The following NAV3 variants were observed in gnomAD, a reference collection of about 807,000 sequenced individuals.
NAV3 encodes the protein pore membrane and/or filament interacting like protein 1.
A neutral mutation model predicts 244.7 loss-of-function variants in NAV3; 87 were observed. That is an observed-to-expected ratio of 0.36 (90% CI 0.30 to 0.42). The LOEUF (loss-of-function observed/expected upper bound fraction) is 0.42, where lower values mean the gene tolerates loss of function less well. Ranked by LOEUF, NAV3 falls within the 20% of genes least tolerant of loss-of-function variation. The pLI, the probability that NAV3 is intolerant of heterozygous loss-of-function variation, is 1.00. For missense variants in NAV3, 2,663 were observed against 2,893.3 expected (o/e 0.92, Z 1.83); for synonymous variants, 1,126 against 1,042.2 (o/e 1.08, Z -1.55).
intron 1 of NAV3, among the ~76,000 whole-genome samples, chr12:77,933,665 T>C (rs1487667791): frequency 1.3e-5 from 2 of 152,202 alleles, no homozygotes; most frequent in African/African-American, 2.4e-5. Flanking sequence ...TGTGACAATA[T>C]GATGTTACCC....
chr12:77,926,529 T>C (rs141298119), intron 1 of NAV3, among the ~76,000 whole-genome samples: 56 of 152,358 alleles, frequency 3.7e-4, no homozygotes, highest in African/African-American at 1.3e-3. Context: ...ATGGCTGTTT[T>C]ATTACTTTTC....
chr12:77,696,221 C>T (rs1875290339), intron 2 of NAV3, among the ~76,000 whole-genome samples: 1 of 152,110 alleles, frequency 6.6e-6, no homozygotes, highest in Admixed American at 6.6e-5. Context: ...TAGTGATTTG[C>T]TTATAACCAA....
At chr12:77,828,312 C>G (rs575524456), upstream of NAV3, among the ~76,000 whole-genome samples, 2 of 152,258 alleles carry the variant, frequency 1.3e-5, no homozygotes, top group Admixed American at 1.3e-4. Flanking sequence ...ATATGGGCCC[C>G]TCACTCTTAT....
chr12:77,636,044 A>C lies in NAV3; in HGVS notation c.72+63778A>C, dbSNP rs1872137753. Among the ~76,000 whole-genome samples, 4 of 152,238 alleles carry C rather than the reference A, an allele frequency of 2.6e-5. No homozygotes were observed. In the South Asian group the frequency reaches 8.3e-4, roughly 31 times the overall value. ...TTGCTTTAATAAGTAAAGTAAATCC[A>C]AAAGAAGACATTTATGCGACCAGCA... On this transcript the variant is annotated intron_variant, in intron 2 of 8. Coordinates refer to the NAV3 transcript ENST00000550042.
At chr12:78,166,421 C>G (rs923443494) in intron 23 of NAV3, among the ~76,000 whole-genome samples, 1 of 120,466 alleles carries the variant, frequency 8.3e-6, no homozygotes, top group Non-Finnish European at 2.0e-5. Flanking sequence ...ATTTGGCTAT[C>G]TTTTTAATCA....
At chr12:77,963,109 C>G (rs1892172841) in intron 3 of NAV3, among the ~76,000 whole-genome samples, 1 of 151,938 alleles carries the variant, frequency 6.6e-6, no homozygotes, top group Admixed American at 6.6e-5. Context: ...TAACTTTTAT[C>G]TGTTTGTAAG....
intron 5 of NAV3, among the ~76,000 whole-genome samples, chr12:77,988,244 T>C (rs1870870316): frequency 6.6e-6 from 1 of 152,130 alleles, no homozygotes; most frequent in Non-Finnish European, 1.5e-5. Context: ...AAGCCCCAGG[T>C]GATGTCAGTG....
At chr12:78,101,528 A>G (rs922614757) in intron 12 of NAV3, among the ~76,000 whole-genome samples, 8 of 152,154 alleles carry the variant, frequency 5.3e-5, no homozygotes, top group Non-Finnish European at 1.2e-4. Flanking sequence ...TCATTTTAGT[A>G]TATCAGTGTT....
chr12:77,705,240 G>A (rs554998068), intron 2 of NAV3, among the ~76,000 whole-genome samples: 36 of 144,848 alleles, frequency 2.5e-4, no homozygotes, highest in Non-Finnish European at 4.7e-4. Context: ...CCAACATAGC[G>A]AAACCCTGTC....
intron 1 of NAV3, among the ~76,000 whole-genome samples, chr12:77,875,781 G>A (rs1881764660): frequency 6.6e-6 from 1 of 151,920 alleles, no homozygotes; most frequent in African/African-American, 2.4e-5. Context: ...GTGCTTTTAT[G>A]TCTCCACTCG....
chr12:78,118,105 G>C lies in NAV3; in HGVS notation c.2848G>C (p.Asp950His), dbSNP rs997528618. 1.9e-6 allele frequency: 3 copies of C among 1,613,968 alleles called. No individual in the cohort carries two copies. In the African/African-American group the frequency reaches 4.0e-5, roughly 22 times the overall value. ...SPEELKKPEE[D>H]FDSHGDAGGK... ...TGAGGAACTGAAAAAACCAGAAGAA[G>C]ATTTTGACAGCCATGGGGATGCTGG... Residue 950 changes from aspartate (D) to histidine (H), a missense_variant, in exon 14 of 40, where the codon GAT (aspartate) becomes CAT (histidine). Around this residue, in one of 6 missense-constraint regions of NAV3, gnomAD observed 1,521 missense variants for 1,497.0 expected, o/e 1.02. Transcript: ENST00000397909.
At chr12:78,193,909 C>T (rs934795192) in intron 34 of NAV3, among the ~76,000 whole-genome samples, 8 of 152,086 alleles carry the variant, frequency 5.3e-5, no homozygotes, top group Non-Finnish European at 1.0e-4. Context: ...CACTCTCTCT[C>T]TCTCTTTCTG....
intron 2 of NAV3, among the ~76,000 whole-genome samples, chr12:77,640,913 G>A (rs1168019409): frequency 6.6e-6 from 1 of 152,130 alleles, no homozygotes; most frequent in African/African-American, 2.4e-5. Context: ...AATGCAAAGA[G>A]AGGTATGAGA....
chr12:77,873,679 G>GTGTATATATATATATA (rs540390004), intron 1 of NAV3, among the ~76,000 whole-genome samples: 6 of 107,304 alleles, frequency 5.6e-5, no homozygotes, highest in Admixed American at 1.1e-4. Flanking sequence ...ATTTGTATGT[G>GTGTATATATATATATA]TATATATATA....
chr12:78,143,589 C>T (rs937878357), intron 20 of NAV3, among the ~76,000 whole-genome samples: 4 of 141,856 alleles, frequency 2.8e-5, no homozygotes, highest in Non-Finnish European at 6.0e-5. Flanking sequence ...AGCGCCACTG[C>T]ACTCCAGCCT....
At chr12:78,176,562 A>C (rs1266254189) in intron 26 of NAV3, 103 bp downstream of exon 26, 4 of 1,045,636 alleles carry the variant, frequency 3.8e-6, no homozygotes, top group Non-Finnish European at 5.7e-6. Context: ...CTTTTAAAAC[A>C]GATTACCTTG....
intron 2 of NAV3, among the ~76,000 whole-genome samples, chr12:77,681,910 G>A (rs1874488127): frequency 6.6e-6 from 1 of 152,216 alleles, no homozygotes; most frequent in East Asian, 1.9e-4. Context: ...ATGATGTTTT[G>A]ATATATTTGC....
chr12:77,960,611 T>C (rs1205824734), intron 3 of NAV3, among the ~76,000 whole-genome samples: 1 of 148,500 alleles, frequency 6.7e-6, no homozygotes, highest in African/African-American at 2.5e-5. Context: ...GTAATGTATG[T>C]AATATACTAT....
intron 2 of NAV3, among the ~76,000 whole-genome samples, chr12:77,638,052 G>T (rs1175888758): frequency 6.6e-6 from 1 of 152,160 alleles, no homozygotes; most frequent in East Asian, 1.9e-4. Flanking sequence ...GTGCACTAGA[G>T]CATAGAACAT....
Sources: gnomAD v4.1 joint callset for allele counts (sites outside exome capture counted in the v4.1 genomes callset) on GRCh38, gnomAD v4.1.1 for gene constraint, gnomAD v4.1.1 regional missense constraint, MANE v1.5 for transcripts, NCBI Gene and HGNC (gene_info 2026-07-23, HGNC 2026-07-21) for gene names.